FKBP9: variants seen among roughly 807,000 people sequenced by gnomAD.
FKBP9 encodes peptidyl-prolyl cis-trans isomerase FKBP9.
Under a neutral mutation model 55.6 loss-of-function variants are expected in FKBP9, and 27 were observed. The ratio of observed to expected loss-of-function variants is 0.49; its 90% CI spans 0.36 to 0.67. The LOEUF is 0.67. Ranked by LOEUF, FKBP9 falls within the 30% of genes least tolerant of loss-of-function variation. The probability of loss-of-function intolerance (pLI) is 0.00; values close to 1 mark genes in which losing one functional copy is unlikely to be tolerated. For synonymous variants in FKBP9, 267 were observed against 296.5 expected (o/e 0.90, Z 1.02); for missense variants, 539 against 742.8 (o/e 0.73, Z 3.19).
intron 6 of FKBP9, chr7:32,988,954 A>G (rs59428480): frequency 0.16 from 35,208 of 213,926 alleles, 3,381 homozygotes; most frequent in Admixed American, 0.32. Flanking sequence ...GGAATTCCCA[A>G]ATAGATTTAG....
chr7:32,964,061 T>C (rs1223029914), intron 1 of FKBP9, among the ~76,000 whole-genome samples: 13 of 152,232 alleles, frequency 8.5e-5, no homozygotes, highest in Admixed American at 7.2e-4. Flanking sequence ...GGTCAGGACA[T>C]GCTAACTTAG....
intron 1 of FKBP9, among the ~76,000 whole-genome samples, chr7:32,966,396 G>C (rs930480670): frequency 6.6e-6 from 1 of 152,130 alleles, no homozygotes; most frequent in Admixed American, 6.6e-5. Flanking sequence ...GGGCAGTGAT[G>C]GAAGGGGATA....
intron 4 of FKBP9, among the ~76,000 whole-genome samples, chr7:32,977,869 C>CCATATATATATATATATATATACACT (rs1265204733): frequency 1.3e-4 from 12 of 94,226 alleles, no homozygotes; most frequent in Admixed American, 1.2e-3. Context: ...ATATACATGC[C>CCATATATATATATATATATATACACT]CATATATATA....
At chr7:32,965,373 C>T (rs1201777244) in intron 1 of FKBP9, among the ~76,000 whole-genome samples, 1 of 152,062 alleles carries the variant, frequency 6.6e-6, no homozygotes, top group East Asian at 1.9e-4. Context: ...TCAAGTGATC[C>T]ACCCGCCTGG....
chr7:33,000,954 AT>A (rs1784918447), intron 8 of FKBP9, among the ~76,000 whole-genome samples: 1 of 151,610 alleles, frequency 6.6e-6, no homozygotes, highest in Non-Finnish European at 1.5e-5. Flanking sequence ...CTAATTTTTT[AT>A]TTTTTAGAGA....
intron 1 of FKBP9, among the ~76,000 whole-genome samples, chr7:32,958,118 A>C (rs1219680541): frequency 6.6e-6 from 1 of 152,190 alleles, no homozygotes; most frequent in Non-Finnish European, 1.5e-5. Flanking sequence ...AGTGGAGGCC[A>C]CGTTGCACAA....
At chr7:32,982,982 T>TTGTGTG (rs1420090054) in intron 5 of FKBP9, among the ~76,000 whole-genome samples, 11 of 77,836 alleles carry the variant, frequency 1.4e-4, no homozygotes, top group East Asian at 3.3e-4. Context: ...GGGTCAAAGG[T>TTGTGTG]TATGTGTGTG....
chr7:32,996,723 T>TTTCC (rs1238646231), intron 7 of FKBP9, among the ~76,000 whole-genome samples: 2 of 140,736 alleles, frequency 1.4e-5, no homozygotes, highest in African/African-American at 5.4e-5. Context: ...TCTCTCTTTT[T>TTTCC]TTCCTTCCTT....
At position 32,976,397 on chromosome 7, in the gene FKBP9, T is replaced by A. The variant is rs766099820; in HGVS notation, c.601T>A (p.Trp201Arg). 1 of 1,613,856 alleles carries A rather than the reference T, an allele frequency of 6.2e-7. No homozygotes were observed. The highest frequency in any genetic ancestry group is 1.3e-5 in the African/African-American group (1 of 74,922). Residue 201 changes from tryptophan (W) to arginine (R), a missense_variant, in exon 4 of 10, where the codon TGG becomes AGG. Physicochemically the swap from Trp to Arg is moderately radical, Grantham distance 101. This residue lies in a region of FKBP9 where 29 missense variants were observed against 65.3 expected (regional missense o/e 0.44). Coordinates refer to ENST00000242209, the MANE Select transcript of FKBP9 (RefSeq NM_007270.5). ...ATATGACACGTATGTGGGAATTGGCTGGCTGATTCCTGGAATGGATAAAGG... is the reference window on the plus strand; with the variant it reads ...ATATGACACGTATGTGGGAATTGGCAGGCTGATTCCTGGAATGGATAAAGG... The part of the protein sequence containing the change: ...KTYDTYVGIG[W>R]LIPGMDKGLL...
At chr7:32,994,854 G>A (rs781780914) in intron 6 of FKBP9, 10 of 179,598 alleles carry the variant, frequency 5.6e-5, no homozygotes, top group East Asian at 1.8e-4. Flanking sequence ...AGAAAAGTAC[G>A]TGTTGGGACA....
At chr7:32,982,325 G>A (rs541138856) in intron 5 of FKBP9, among the ~76,000 whole-genome samples, 1 of 152,126 alleles carries the variant, frequency 6.6e-6, no homozygotes, top group Non-Finnish European at 1.5e-5. Context: ...CCAGCCTAAT[G>A]TGTGGATTTT....
chr7:32,972,085 C>T (rs1394977869), intron 1 of FKBP9, among the ~76,000 whole-genome samples: 1 of 152,116 alleles, frequency 6.6e-6, no homozygotes, highest in Non-Finnish European at 1.5e-5. Context: ...TCTTTGAAGT[C>T]TTGCTTTCTG....
At chr7:32,986,617 T>C (rs1386344031) in intron 5 of FKBP9, among the ~76,000 whole-genome samples, 1 of 151,910 alleles carries the variant, frequency 6.6e-6, no homozygotes, top group Non-Finnish European at 1.5e-5. Flanking sequence ...CGTCTGGGAG[T>C]TTATGTGGAC....
intron 1 of FKBP9, among the ~76,000 whole-genome samples, chr7:32,965,304 T>C (rs1027354994): frequency 1.9e-4 from 29 of 151,952 alleles, no homozygotes; most frequent in African/African-American, 7.0e-4. Flanking sequence ...CTAATTTTTG[T>C]ATTTTTGGTA....
chr7:32,961,912 C>T (rs1784033316), intron 1 of FKBP9, among the ~76,000 whole-genome samples: 1 of 151,978 alleles, frequency 6.6e-6, no homozygotes, highest in Non-Finnish European at 1.5e-5. Context: ...ACTGATTCTA[C>T]ATTATGGTGA....
chr7:33,005,477 T>C lies in FKBP9; in HGVS notation c.*126T>C. 1.0e-6 allele frequency: 1 copy of C among 995,284 alleles called. No individual in the cohort carries two copies. The highest frequency in any genetic ancestry group is 1.5e-6 in the Non-Finnish European group (1 of 666,250). 61.7% of individuals were successfully genotyped at this position (995,284 alleles called of 1,614,324 possible). ...ATTAGCCAGTAGTAGGTGGGTCACA[T>C]AGTACCTGGTGTACACATCGGGGTG... On this transcript the variant is annotated 3_prime_UTR_variant, in exon 10 of 10. Coordinates refer to ENST00000242209, the MANE Select transcript of FKBP9 (RefSeq NM_007270.5).
intron 1 of FKBP9, among the ~76,000 whole-genome samples, chr7:32,973,695 T>TTG (rs1158186529): frequency 8.0e-6 from 1 of 125,256 alleles, no homozygotes; most frequent in Non-Finnish European, 1.8e-5. Flanking sequence ...TTTTTTTTTT[T>TTG]TTTTTTTTTT....
chr7:32,988,304 TG>T (rs1225717477), intron 5 of FKBP9, among the ~76,000 whole-genome samples: 35 of 152,206 alleles, frequency 2.3e-4, no homozygotes, highest in African/African-American at 8.4e-4. Flanking sequence ...TCCCTACAGG[TG>T]GCTGTTCACA....
chr7:33,006,446 C>T lies in FKBP9; in HGVS notation c.*1095C>T, dbSNP rs1583877666. The T allele has an allele frequency of 9.8e-6, 2 of 203,482 alleles. No individual in the cohort carries two copies. Among genetic ancestry groups the T allele is most frequent in the East Asian group, 1.5e-4 (2 of 13,486 alleles). The allele number at this position is 203,482 out of a possible 1,614,324, so 12.6% of individuals were successfully genotyped here. Reference sequence around the variant, plus strand: ...TTTTTCTTATTCCCACCTTTCTATCCCATAGAACACTCTTTTTTATCTTCC... The same window carrying T: ...TTTTTCTTATTCCCACCTTTCTATCTCATAGAACACTCTTTTTTATCTTCC... On this transcript the variant is annotated 3_prime_UTR_variant, in exon 10 of 10. Coordinates refer to ENST00000242209, the MANE Select transcript of FKBP9 (RefSeq NM_007270.5).
Sources: allele counts gnomAD v4.1 joint callset (sites outside exome capture counted in the v4.1 genomes callset), GRCh38; gene constraint gnomAD v4.1.1; regional missense constraint gnomAD v4.1.1; transcripts MANE v1.5; gene names NCBI Gene and HGNC (gene_info 2026-07-23, HGNC 2026-07-21).